Variants in SYN3 observed in about 807,000 individuals in gnomAD.
SYN3 encodes the protein synapsin-3.
In SYN3, 35 loss-of-function variants were observed where a neutral mutation model predicts 65.8. The ratio of observed to expected loss-of-function variants is 0.53; its 90% CI spans 0.41 to 0.70. The LOEUF (loss-of-function observed/expected upper bound fraction) is 0.70. SYN3 is among the 30% of genes least tolerant of loss of function. The pLI, the probability that SYN3 is intolerant of heterozygous loss-of-function variation, is 0.00. For missense variants in SYN3, 680 were observed against 749.0 expected (o/e 0.91, Z 1.08); for synonymous variants, 270 against 292.9 (o/e 0.92, Z 0.80).
At chr22:32,655,753 G>C (rs1601852378) in intron 6 of SYN3, among the ~76,000 whole-genome samples, 2 of 152,036 alleles carry the variant, frequency 1.3e-5, no homozygotes, top group East Asian at 3.9e-4. Flanking sequence ...TCTACATTAG[G>C]GTGAGTTGTA....
chr22:32,669,269 G>A (rs2060330392), intron 6 of SYN3, among the ~76,000 whole-genome samples: 1 of 152,182 alleles, frequency 6.6e-6, no homozygotes, highest in Admixed American at 6.5e-5. Flanking sequence ...AATAGGGATG[G>A]GAGGTGTGTG....
chr22:32,873,678 A>G (rs1366703714), intron 4 of SYN3, among the ~76,000 whole-genome samples: 1 of 152,212 alleles, frequency 6.6e-6, no homozygotes, highest in Non-Finnish European at 1.5e-5. Flanking sequence ...GGTGTGTTGT[A>G]TCTGAGCTCT....
chr22:33,054,398 T>C (rs545669940), intron 1 of SYN3, among the ~76,000 whole-genome samples: 1 of 152,352 alleles, frequency 6.6e-6, no homozygotes, highest in South Asian at 2.1e-4. Flanking sequence ...TTGTTTGTTT[T>C]TTTAATTAGG....
chr22:32,928,819 C>T (rs1310945607), intron 4 of SYN3, among the ~76,000 whole-genome samples: 1 of 152,200 alleles, frequency 6.6e-6, no homozygotes. Flanking sequence ...TAGAATCTAA[C>T]AGTCTTTCCT....
intron 6 of SYN3, among the ~76,000 whole-genome samples, chr22:32,678,236 G>T (rs1346745125): frequency 2.0e-5 from 3 of 152,228 alleles, no homozygotes; most frequent in Non-Finnish European, 4.4e-5. Flanking sequence ...TGGAAGTCCA[G>T]TCAATGGAGT....
chr22:32,829,568 G>A (rs968068263), intron 6 of SYN3, among the ~76,000 whole-genome samples: 6 of 152,200 alleles, frequency 3.9e-5, no homozygotes, highest in African/African-American at 1.4e-4. Context: ...CGTGAAAAAC[G>A]GCCCGGATTT....
At chr22:32,827,825 C>T (rs1348917002) in intron 6 of SYN3, among the ~76,000 whole-genome samples, 1 of 152,150 alleles carries the variant, frequency 6.6e-6, no homozygotes, top group Non-Finnish European at 1.5e-5. Flanking sequence ...CCAAGTTTGT[C>T]ACTGTCTCTT....
chr22:32,786,222 G>A (rs1054025769), intron 6 of SYN3, among the ~76,000 whole-genome samples: 1 of 152,106 alleles, frequency 6.6e-6, no homozygotes, highest in South Asian at 2.1e-4. Flanking sequence ...AAAATCTTTT[G>A]CATAAGAGCA....
chr22:32,679,798 G>T (rs1210026627), intron 6 of SYN3, among the ~76,000 whole-genome samples: 3 of 123,724 alleles, frequency 2.4e-5, no homozygotes, highest in African/African-American at 9.1e-5. Flanking sequence ...TCTATTCAAG[G>T]TTTTTGCCCA....
chr22:32,574,741 C>A (rs1044545758), intron 7 of SYN3, among the ~76,000 whole-genome samples: 1 of 152,216 alleles, frequency 6.6e-6, no homozygotes, highest in South Asian at 2.1e-4. Context: ...AGCTAGGCAG[C>A]GCCTTCTCAT....
At chr22:33,047,781 C>G (rs1184400912) in intron 1 of SYN3, among the ~76,000 whole-genome samples, 1 of 149,264 alleles carries the variant, frequency 6.7e-6, no homozygotes, top group African/African-American at 2.5e-5. Flanking sequence ...AACACCTGCT[C>G]TACAGGTTCC....
At chr22:32,754,461 T>A (rs1304735840) in intron 6 of SYN3, among the ~76,000 whole-genome samples, 2 of 151,668 alleles carry the variant, frequency 1.3e-5, no homozygotes, top group Non-Finnish European at 2.9e-5. Flanking sequence ...CTCTTTCTTT[T>A]AAAAAAAAGG....
intron 1 of SYN3, among the ~76,000 whole-genome samples, chr22:33,058,074 C>A (rs933507896): frequency 6.6e-6 from 1 of 152,082 alleles, no homozygotes; most frequent in East Asian, 1.9e-4. Context: ...CAGGGACCGG[C>A]CCAGGGCCCC....
chr22:32,911,706 G>C (rs1016252406), intron 4 of SYN3, among the ~76,000 whole-genome samples: 2 of 152,136 alleles, frequency 1.3e-5, no homozygotes, highest in African/African-American at 4.8e-5. Context: ...AAACCATCAT[G>C]TGGTGAACAA....
chr22:32,605,731 T>C (rs1184057684), intron 6 of SYN3, among the ~76,000 whole-genome samples: 2 of 152,212 alleles, frequency 1.3e-5, no homozygotes, highest in African/African-American at 2.4e-5. Flanking sequence ...GTGCTTCCCC[T>C]GCACCCAGAA....
intron 6 of SYN3, among the ~76,000 whole-genome samples, chr22:32,751,435 T>C (rs2045122008): frequency 6.6e-6 from 1 of 152,038 alleles, no homozygotes; most frequent in African/African-American, 2.4e-5. Flanking sequence ...GCCCCTCCAA[T>C]GTTCCCCTGG....
At chr22:32,932,820 G>A (rs77159665) in intron 3 of SYN3, among the ~76,000 whole-genome samples, 3,620 of 152,254 alleles carry the variant, frequency 0.024, 55 homozygotes, top group Non-Finnish European at 0.038. Context: ...ATTCTCCACA[G>A]TTTTGGAGGC....
intron 6 of SYN3, among the ~76,000 whole-genome samples, chr22:32,744,707 CG>C (rs1313490862): frequency 6.6e-6 from 1 of 152,098 alleles, no homozygotes; most frequent in Non-Finnish European, 1.5e-5. Flanking sequence ...CTCACTGTGT[CG>C]GTAAGGAGAC....
chr22:32,683,457 C>T (rs2060550123), intron 6 of SYN3, among the ~76,000 whole-genome samples: 1 of 152,122 alleles, frequency 6.6e-6, no homozygotes, highest in Admixed American at 6.5e-5. Flanking sequence ...TGTAGCTCTG[C>T]TTCACAGATC....
Sources: gnomAD v4.1 joint callset for allele counts (sites outside exome capture counted in the v4.1 genomes callset) on GRCh38, gnomAD v4.1.1 for gene constraint, MANE v1.5 for transcripts, NCBI Gene and HGNC (gene_info 2026-07-23, HGNC 2026-07-21) for gene names.